TASP1: variants seen among roughly 807,000 people sequenced by gnomAD.
TASP1 encodes the protein threonine aspartase 1.
Under a neutral mutation model 56.6 loss-of-function variants are expected in TASP1, and 16 were observed. That is an observed-to-expected ratio of 0.28 (90% CI 0.19 to 0.43). The LOEUF (loss-of-function observed/expected upper bound fraction) is 0.43. Among genes scored for constraint, TASP1 ranks in the 20% least tolerant of loss-of-function variants. The pLI is 1.00. For synonymous variants in TASP1, 179 were observed against 184.2 expected, an observed-to-expected ratio of 0.97 and a Z score of 0.23; for missense variants, 393 against 511.6, an observed-to-expected ratio of 0.77 and a Z score of 2.24.
chr20:13,260,201 C>T, the TASP1 span, among the ~76,000 whole-genome samples: 2 of 152,330 alleles, frequency 1.3e-5, no homozygotes, highest in East Asian at 3.9e-4. Context: ...TCACCTCTGG[C>T]CATATGTGGC....
chr20:13,435,243 C>A, intron 11 of TASP1, 89 bp from the exon 12 acceptor site: 1 of 974,674 alleles, frequency 1.0e-6, no homozygotes. Context: ...AAAAATGTGG[C>A]ATGAATAAGA....
the TASP1 span, among the ~76,000 whole-genome samples, chr20:13,228,008 A>G: frequency 2.2e-5 from 3 of 134,642 alleles, no homozygotes; most frequent in South Asian, 2.4e-4. Flanking sequence ...TCTGTTGCCC[A>G]GGCTGGAGTC....
chr20:13,304,497 A>G, the TASP1 span, among the ~76,000 whole-genome samples: 1 of 152,168 alleles, frequency 6.6e-6, no homozygotes, highest in Non-Finnish European at 1.5e-5. Context: ...TGCTGTCCCA[A>G]GCATCCCCTC....
chr20:13,297,658 C>T, the TASP1 span, among the ~76,000 whole-genome samples: 1 of 152,236 alleles, frequency 6.6e-6, no homozygotes, highest in Admixed American at 6.5e-5. Context: ...TCACCATTCA[C>T]CTGTTCACAG....
chr20:13,609,272 G>A (rs112489890), intron 4 of TASP1, among the ~76,000 whole-genome samples: 29 of 152,144 alleles, frequency 1.9e-4, no homozygotes, highest in Middle Eastern at 3.4e-3. Context: ...CAGTTATGAC[G>A]ACAAAAACAG....
intron 5 of TASP1, among the ~76,000 whole-genome samples, chr20:13,581,727 T>A (rs1369750865): frequency 6.6e-6 from 1 of 152,156 alleles, no homozygotes; most frequent in Non-Finnish European, 1.5e-5. Flanking sequence ...ATGATGATGA[T>A]GGTGGAAGGC....
At chr20:13,608,026 C>T (rs1423614533) in intron 4 of TASP1, among the ~76,000 whole-genome samples, 1 of 152,120 alleles carries the variant, frequency 6.6e-6, no homozygotes, top group South Asian at 2.1e-4. Flanking sequence ...AAGCAGATAC[C>T]TTTAACCTTC....
chr20:13,618,696 T>G (rs2048607820), intron 4 of TASP1, among the ~76,000 whole-genome samples: 1 of 152,158 alleles, frequency 6.6e-6, no homozygotes, highest in Admixed American at 6.5e-5. Flanking sequence ...GAAACGAGTT[T>G]TAACCATGAA....
chr20:13,146,716 A>G, the TASP1 span, among the ~76,000 whole-genome samples: 1 of 152,008 alleles, frequency 6.6e-6, no homozygotes, highest in Non-Finnish European at 1.5e-5. Context: ...AGTGTCAGAA[A>G]TTTTTCATCT....
At chr20:13,491,797 T>C (rs1246020878) in intron 10 of TASP1, among the ~76,000 whole-genome samples, 1 of 152,180 alleles carries the variant, frequency 6.6e-6, no homozygotes, top group Admixed American at 6.6e-5. Context: ...CTTCATCTAA[T>C]GTAGTAGTAG....
At chr20:13,433,008 G>C (rs1484056807) in intron 12 of TASP1, among the ~76,000 whole-genome samples, 1 of 152,092 alleles carries the variant, frequency 6.6e-6, no homozygotes, top group Non-Finnish European at 1.5e-5. Context: ...TAAGTTCTGG[G>C]ATACATGTGC....
chr20:13,300,364 T>G, the TASP1 span: 1 of 152,152 alleles, frequency 6.6e-6, no homozygotes, highest in African/African-American at 2.4e-5. Flanking sequence ...TTTAATACTA[T>G]TTTAACAATT....
the TASP1 span, among the ~76,000 whole-genome samples, chr20:13,184,832 C>T: frequency 1.3e-5 from 2 of 152,148 alleles, no homozygotes; most frequent in African/African-American, 4.8e-5. Flanking sequence ...TCAAGCCCAA[C>T]TAAGCCCAGT....
the TASP1 span, among the ~76,000 whole-genome samples, chr20:13,250,688 A>T: frequency 6.6e-6 from 1 of 152,318 alleles, no homozygotes; most frequent in South Asian, 2.1e-4. Flanking sequence ...CCATGAGGGT[A>T]AGATTCGTGT....
chr20:13,585,906 T>C (rs930665841), intron 5 of TASP1, among the ~76,000 whole-genome samples: 4 of 152,210 alleles, frequency 2.6e-5, no homozygotes, highest in East Asian at 1.9e-4. Flanking sequence ...AGGCTGAAGC[T>C]GGCAGATCAC....
the TASP1 span, among the ~76,000 whole-genome samples, chr20:13,201,526 G>T: frequency 6.8e-6 from 1 of 147,808 alleles, no homozygotes; most frequent in African/African-American, 2.5e-5. Context: ...AACTAAAAAA[G>T]AAAGAAAAAT....
chr20:13,559,170 T>A, intron 7 of TASP1, 56 bp from the exon 8 acceptor site: 1 of 1,133,986 alleles, frequency 8.8e-7, no homozygotes, highest in Non-Finnish European at 1.2e-6. Flanking sequence ...ATTAGGGCAA[T>A]GGGTCAAATA....
chr20:13,419,262 G>T (rs897028501), intron 12 of TASP1, among the ~76,000 whole-genome samples: 1 of 152,156 alleles, frequency 6.6e-6, no homozygotes, highest in African/African-American at 2.4e-5. Flanking sequence ...ATTTGTTTGT[G>T]TGTATGTGTG....
chr20:13,478,666 C>T (rs1448259083), intron 11 of TASP1, among the ~76,000 whole-genome samples: 1 of 152,032 alleles, frequency 6.6e-6, no homozygotes, highest in Non-Finnish European at 1.5e-5. Context: ...CAGACTTCAC[C>T]ACTACACAAT....
Sources: gnomAD v4.1 joint callset for allele counts (sites outside exome capture counted in the v4.1 genomes callset) on GRCh38, gnomAD v4.1.1 for gene constraint, MANE v1.5 for transcripts, NCBI Gene and HGNC (gene_info 2026-07-23, HGNC 2026-07-21) for gene names.